Variants in KLHL15 observed in about 807,000 individuals in gnomAD.
KLHL15 encodes the protein kelch like family member 15, also known as kelch-like protein 15.
KLHL15 carries 1 observed loss-of-function variant against 29.3 expected under a neutral mutation model. That is an observed-to-expected ratio of 0.03 (90% CI 0.01 to 0.16). The LOEUF (loss-of-function observed/expected upper bound fraction) is 0.16. KLHL15 is among the 10% of genes least tolerant of loss of function. The pLI, the probability that KLHL15 is intolerant of heterozygous loss-of-function variation, is 1.00. For missense variants in KLHL15, 215 were observed against 478.5 expected, an observed-to-expected ratio of 0.45 and a Z score of 5.14; for synonymous variants, 212 against 184.5, an observed-to-expected ratio of 1.15 and a Z score of -1.21.
rs1042134299 is a variant in KLHL15, at chrX:23,987,181, A to G, written c.*740T>C. On this transcript the variant is annotated 3_prime_UTR_variant, in exon 4 of 4. Coordinates refer to ENST00000328046, the MANE Select transcript of KLHL15 (RefSeq NM_030624.3). Reference sequence around the variant, plus strand: ...GCAAATGAGGACTCCAGTTATTTCAACTTTCTAAAAATGTTAATATGTGAA... The same window carrying G: ...GCAAATGAGGACTCCAGTTATTTCAGCTTTCTAAAAATGTTAATATGTGAA... 2 of 112,277 alleles carry G rather than the reference A, an allele frequency of 1.8e-5. No individual in the cohort carries two copies. Among genetic ancestry groups the G allele is most frequent in the African/African-American group, 6.5e-5 (2 of 30,981 alleles). The allele number at this position is 112,277 out of a possible 1,213,427, so 9.3% of individuals were successfully genotyped here.
chrX:24,023,122 C>T (rs1249369682), intron 2 of KLHL15, among the ~76,000 whole-genome samples: 1 of 111,597 alleles, frequency 9.0e-6, no homozygotes, highest in African/African-American at 3.3e-5. Context: ...ACCATTCACC[C>T]TTATACTGTA....
intron 3 of KLHL15, among the ~76,000 whole-genome samples, chrX:23,998,281 C>A (rs188975140): frequency 9.4e-6 from 1 of 106,600 alleles, no homozygotes; most frequent in Non-Finnish European, 1.9e-5. Flanking sequence ...GTGTGTGAGA[C>A]GGAGTCTTGC....
intron 3 of KLHL15, among the ~76,000 whole-genome samples, chrX:24,003,573 A>C (rs1192501374): frequency 3.7e-5 from 4 of 107,892 alleles, no homozygotes; most frequent in East Asian, 2.9e-4. Context: ...AAAAAAAAAA[A>C]AACAAAAAAA....
At chrX:24,005,708 A>G (rs1228072065) in intron 3 of KLHL15, among the ~76,000 whole-genome samples, 2 of 112,270 alleles carry the variant, frequency 1.8e-5, no homozygotes, top group African/African-American at 6.5e-5. Flanking sequence ...TGCATAAAGT[A>G]ATTATGCTTC....
intron 2 of KLHL15, among the ~76,000 whole-genome samples, chrX:24,023,388 T>C (rs781391816): frequency 8.9e-6 from 1 of 112,394 alleles, no homozygotes; most frequent in East Asian, 2.8e-4. Context: ...GCCCAACTTC[T>C]ATTATTTTGC....
intron 2 of KLHL15, among the ~76,000 whole-genome samples, chrX:24,014,071 CAT>C (rs1489341708): frequency 2.0e-5 from 2 of 101,893 alleles, no homozygotes; most frequent in Non-Finnish European, 4.0e-5. Flanking sequence ...GCCTGAGAAA[CAT>C]AGACCCCATC....
intron 2 of KLHL15, among the ~76,000 whole-genome samples, chrX:24,013,884 AAAC>A (rs940896145): frequency 1.8e-5 from 2 of 110,560 alleles, no homozygotes; most frequent in Non-Finnish European, 3.8e-5. Flanking sequence ...TTAGAATTAA[AAAC>A]AACAAATTAA....
In KLHL15 at chrX:23,992,222, C is replaced by T. The variant is rs756870338; in HGVS notation, c.706-3192G>A. 4.5e-5 allele frequency among the ~76,000 whole-genome samples: 5 copies of T among 112,250 alleles called. No homozygotes were observed. In the East Asian group the frequency reaches 1.1e-3, roughly 25 times the overall value. On this transcript the variant is annotated intron_variant, in intron 3 of 3. Transcript: ENST00000328046. ...AATATCTTTAAGCCCATATCCTCAA[C>T]TGTATTATTGGGATAACACATTCAT...
intron 2 of KLHL15, among the ~76,000 whole-genome samples, chrX:24,012,058 A>G (rs1308371390): frequency 9.2e-6 from 1 of 109,122 alleles, no homozygotes; most frequent in Non-Finnish European, 1.9e-5. Flanking sequence ...GGGGAGGCTG[A>G]AGCAGGGAAC....
At chrX:24,002,420 T>C (rs1397621821) in intron 3 of KLHL15, among the ~76,000 whole-genome samples, 1 of 111,768 alleles carries the variant, frequency 8.9e-6, no homozygotes, top group Non-Finnish European at 1.9e-5. Context: ...GTTTTAAAAC[T>C]AGGAATCCAC....
chrX:24,013,645 C>T (rs187595549), intron 2 of KLHL15, among the ~76,000 whole-genome samples: 1 of 111,208 alleles, frequency 9.0e-6, no homozygotes, highest in Admixed American at 9.6e-5. Context: ...AAAGGAATCT[C>T]GTACAGTGTA....
intron 3 of KLHL15, among the ~76,000 whole-genome samples, chrX:23,996,419 A>G (rs1929190750): frequency 8.9e-6 from 1 of 111,809 alleles, no homozygotes; most frequent in Non-Finnish European, 1.9e-5. Context: ...TAATCCCAAC[A>G]CTTTGGGAGG....
At chrX:24,025,346 A>AAAGGGGCGGGG (rs778217475) in intron 1 of KLHL15, among the ~76,000 whole-genome samples, 1 of 107,799 alleles carries the variant, frequency 9.3e-6, no homozygotes, top group Admixed American at 9.6e-5. Flanking sequence ...GGAAGGCGGG[A>AAAGGGGCGGGG]AAGGGGCGGG....
Position 23,983,983 on chromosome X carries a change from T to C in KLHL15, c.*3938A>G, listed in dbSNP as rs1928943799. The C allele has an allele frequency of 9.0e-6, 1 of 111,519 alleles. No homozygotes were observed. The highest frequency in any genetic ancestry group is 3.7e-4 in the South Asian group (1 of 2,709). 9.2% of individuals were successfully genotyped at this position (111,519 alleles called of 1,213,427 possible). A position where few individuals can be genotyped will look rare whatever the true frequency, so the allele number is the denominator to read the frequency against. ...ACCTAAAGGTCAAAATATTTTTCTA[T>C]AGACAAAGTATGCCCAAGAGGTATA... On this transcript the variant is annotated 3_prime_UTR_variant, in exon 4 of 4. Transcript: ENST00000328046.
intron 3 of KLHL15, among the ~76,000 whole-genome samples, chrX:24,004,708 T>C (rs1929410130): frequency 9.3e-6 from 1 of 107,810 alleles, no homozygotes; most frequent in Non-Finnish European, 1.9e-5. Flanking sequence ...GAGAATCGCT[T>C]GAACCTGGGA....
intron 3 of KLHL15, among the ~76,000 whole-genome samples, chrX:23,995,685 G>A (rs996375573): frequency 1.0e-4 from 11 of 110,158 alleles, no homozygotes; most frequent in Non-Finnish European, 1.7e-4. Flanking sequence ...TCAGCCTTCC[G>A]AAGTACTGGG....
intron 3 of KLHL15, among the ~76,000 whole-genome samples, chrX:23,998,894 A>AT (rs1929249768): frequency 9.2e-6 from 1 of 108,968 alleles, no homozygotes; most frequent in African/African-American, 3.4e-5. Context: ...GAGTTTCCTC[A>AT]TTTTTTTAAA....
chrX:24,022,749 T>C (rs1461011142), intron 2 of KLHL15, among the ~76,000 whole-genome samples: 1 of 107,840 alleles, frequency 9.3e-6, no homozygotes, highest in Non-Finnish European at 1.9e-5. Flanking sequence ...GACGGAGTTT[T>C]GCTCTCGTCG....
At chrX:24,009,473 G>A (rs1434033689) in intron 2 of KLHL15, among the ~76,000 whole-genome samples, 2 of 110,389 alleles carry the variant, frequency 1.8e-5, no homozygotes, top group Non-Finnish European at 3.8e-5. Flanking sequence ...ACTCCAGCCT[G>A]GGCGACAAGA....
Sources: gnomAD v4.1 joint callset for allele counts (sites outside exome capture counted in the v4.1 genomes callset) on GRCh38, gnomAD v4.1.1 for gene constraint, MANE v1.5 for transcripts, NCBI Gene and HGNC (gene_info 2026-07-23, HGNC 2026-07-21) for gene names.